CDH13: variants seen among roughly 807,000 people sequenced by gnomAD.
The protein encoded by CDH13 is cadherin-13.
A neutral mutation model predicts 63.8 loss-of-function variants in CDH13; 24 were observed. The observed-to-expected ratio is 0.38, with a 90% confidence interval of 0.27 to 0.53. The LOEUF (loss-of-function observed/expected upper bound fraction) is 0.53, where lower values mean the gene tolerates loss of function less well. Among genes scored for constraint, CDH13 ranks in the 20% least tolerant of loss-of-function variants. The probability of loss-of-function intolerance (pLI) is 0.85; values close to 1 mark genes in which losing one functional copy is unlikely to be tolerated. For missense variants in CDH13, 1,049 were observed against 903.1 expected, an observed-to-expected ratio of 1.16 and a Z score of -2.07; for synonymous variants, 503 against 355.3, an observed-to-expected ratio of 1.42 and a Z score of -4.67.
intron 5 of CDH13, among the ~76,000 whole-genome samples, chr16:83,316,497 G>T (rs2090108243): frequency 1.3e-5 from 2 of 152,198 alleles, no homozygotes. Context: ...GGGGATGCTG[G>T]CTCCTAAAGC....
chr16:82,951,981 C>T lies in CDH13; in HGVS notation c.158-80029C>T, dbSNP rs79683537. 2.0e-3 allele frequency among the ~76,000 whole-genome samples: 312 copies of T among 152,350 alleles called. 1 individual carries two copies. The highest frequency in any genetic ancestry group is 6.9e-3 in the African/African-American group (285 of 41,588). On this transcript the variant is annotated intron_variant, in intron 2 of 13. Coordinates refer to ENST00000567109, the MANE Select transcript of CDH13 (RefSeq NM_001257.5). Reference sequence around the variant, plus strand: ...CAAGACTCCCTCCCAACAGGGTCGTCATCTCAACACATGTCACTTGGCTAT... The same window carrying T: ...CAAGACTCCCTCCCAACAGGGTCGTTATCTCAACACATGTCACTTGGCTAT...
intron 3 of CDH13, among the ~76,000 whole-genome samples, chr16:83,115,451 A>G (rs1458811157): frequency 6.6e-6 from 1 of 152,260 alleles, no homozygotes; most frequent in Non-Finnish European, 1.5e-5. Flanking sequence ...GAACCAGGTT[A>G]TGTCATCTTG....
At chr16:82,927,488 G>A (rs926794685) in intron 2 of CDH13, among the ~76,000 whole-genome samples, 3 of 152,092 alleles carry the variant, frequency 2.0e-5, no homozygotes, top group African/African-American at 4.8e-5. Context: ...TAGAGGCTGC[G>A]GGTATTTAGA....
intron 10 of CDH13, among the ~76,000 whole-genome samples, chr16:83,696,992 GTC>G (rs1446269343): frequency 5.3e-5 from 8 of 152,168 alleles, no homozygotes; most frequent in African/African-American, 1.9e-4. Flanking sequence ...TCCTCTGGCA[GTC>G]TCTCCTCCAA....
intron 6 of CDH13, among the ~76,000 whole-genome samples, chr16:83,379,309 G>C (rs1202938106): frequency 6.6e-6 from 1 of 152,148 alleles, no homozygotes; most frequent in Non-Finnish European, 1.5e-5. Flanking sequence ...GAACTGTCCT[G>C]GGTGCTGTTG....
chr16:83,734,188 G>A (rs1272267256), intron 10 of CDH13, among the ~76,000 whole-genome samples: 1 of 152,116 alleles, frequency 6.6e-6, no homozygotes, highest in African/African-American at 2.4e-5. Flanking sequence ...GAAGACCAAA[G>A]TGTGACTCAA....
At chr16:83,436,337 G>A (rs967556586) in intron 6 of CDH13, among the ~76,000 whole-genome samples, 3 of 152,084 alleles carry the variant, frequency 2.0e-5, no homozygotes, top group African/African-American at 7.2e-5. Context: ...TGAAGGAGTT[G>A]TCTTTTTTAA....
At chr16:83,699,127 A>G (rs1163762260) in intron 10 of CDH13, among the ~76,000 whole-genome samples, 2 of 152,244 alleles carry the variant, frequency 1.3e-5, no homozygotes, top group Non-Finnish European at 2.9e-5. Flanking sequence ...AATGTTTGCT[A>G]AATGCATGAC....
At chr16:82,865,725 C>T (rs973034299) in intron 2 of CDH13, among the ~76,000 whole-genome samples, 6 of 152,210 alleles carry the variant, frequency 3.9e-5, no homozygotes, top group Admixed American at 6.5e-5. Context: ...CCCTGTTACA[C>T]CATTGACTTG....
intron 10 of CDH13, among the ~76,000 whole-genome samples, chr16:83,745,337 A>G (rs1305189502): frequency 6.6e-6 from 1 of 152,200 alleles, no homozygotes; most frequent in Non-Finnish European, 1.5e-5. Flanking sequence ...TTCTCAGGTC[A>G]GTTCACATGA....
At chr16:82,810,584 G>A (rs1478358418) in intron 1 of CDH13, among the ~76,000 whole-genome samples, 2 of 152,144 alleles carry the variant, frequency 1.3e-5, no homozygotes, top group Non-Finnish European at 2.9e-5. Context: ...GTGGGCAATT[G>A]GCTTACTCCA....
intron 4 of CDH13, among the ~76,000 whole-genome samples, chr16:83,139,571 G>A (rs535537000): frequency 6.6e-6 from 1 of 151,986 alleles, no homozygotes; most frequent in Non-Finnish European, 1.5e-5. Context: ...TTTGTTATTT[G>A]CATCTGGAAA....
intron 7 of CDH13, among the ~76,000 whole-genome samples, chr16:83,508,995 G>T (rs568831764): frequency 6.6e-5 from 10 of 152,168 alleles, no homozygotes; most frequent in Non-Finnish European, 1.5e-4. Flanking sequence ...CTGTGTGCAT[G>T]AGTGCCTGTG....
At chr16:83,368,223 C>T (rs2091290942) in intron 6 of CDH13, among the ~76,000 whole-genome samples, 1 of 152,102 alleles carries the variant, frequency 6.6e-6, no homozygotes, top group Non-Finnish European at 1.5e-5. Context: ...GCTACTGGAG[C>T]CCAACATTCA....
chr16:83,729,281 A>G (rs751357666), intron 10 of CDH13, among the ~76,000 whole-genome samples: 11 of 152,194 alleles, frequency 7.2e-5, no homozygotes, highest in Non-Finnish European at 1.3e-4. Context: ...TATTATACAT[A>G]TGTGTATGTA....
At chr16:83,251,306 G>A (rs1905500967) in intron 5 of CDH13, among the ~76,000 whole-genome samples, 1 of 152,062 alleles carries the variant, frequency 6.6e-6, no homozygotes, top group African/African-American at 2.4e-5. Flanking sequence ...TGTTTTATTA[G>A]GTACCAGACA....
rs1407806302 is a variant in CDH13 at position 82,847,908 on chromosome 16, T to TTTTG, written c.46-10453_46-10452insTTGT. Among the ~76,000 whole-genome samples, 1,027 of 151,792 alleles carry TTTTG rather than the reference T, an allele frequency of 6.8e-3. 8 individuals carry two copies. The highest frequency in any genetic ancestry group is 0.023 in the African/African-American group (936 of 41,392). On this transcript the variant is annotated intron_variant, in intron 1 of 13. Transcript: ENST00000567109. The stretch of plus-strand genomic sequence containing the variant: ...TCTTGTGCTTCACTTTTTTTTTTTT[T>TTTTG]TGTACTTCACAGATACTGTATGTTT...
At chr16:83,600,717 G>A (rs1014127136) in intron 7 of CDH13, among the ~76,000 whole-genome samples, 15 of 152,022 alleles carry the variant, frequency 9.9e-5, no homozygotes, top group African/African-American at 1.9e-4. Context: ...AGTTCAACTC[G>A]GACTCTCTGT....
intron 6 of CDH13, among the ~76,000 whole-genome samples, chr16:83,471,835 A>G (rs1319480648): frequency 6.6e-6 from 1 of 152,208 alleles, no homozygotes; most frequent in African/African-American, 2.4e-5. Context: ...CTTGAGTCTC[A>G]TCGAGCACAT....
Sources: gnomAD v4.1 joint callset for allele counts (sites outside exome capture counted in the v4.1 genomes callset) on GRCh38, gnomAD v4.1.1 for gene constraint, MANE v1.5 for transcripts, NCBI Gene and HGNC (gene_info 2026-07-23, HGNC 2026-07-21) for gene names.